MAPT: variants seen among roughly 807,000 people sequenced by gnomAD.
The protein encoded by MAPT is microtubule-associated protein tau.
A neutral mutation model predicts 67.9 loss-of-function variants in MAPT; 34 were observed. The observed-to-expected ratio is 0.50, with a 90% CI of 0.38 to 0.67. MAPT has a LOEUF of 0.67. Among genes scored for constraint, MAPT ranks in the 30% least tolerant of loss-of-function variants. The probability of loss-of-function intolerance (pLI) is 0.00; values close to 1 mark genes in which losing one functional copy is unlikely to be tolerated. For missense variants in MAPT, 881 were observed against 1,115.2 expected (o/e 0.79, Z 2.99); for synonymous variants, 456 against 464.5 (o/e 0.98, Z 0.23).
At chr17:45,960,519 T>TG (rs1341855992) in intron 1 of MAPT, among the ~76,000 whole-genome samples, 2 of 152,274 alleles carry the variant, frequency 1.3e-5, no homozygotes, top group Admixed American at 1.3e-4. Flanking sequence ...AAGTCTGGTA[T>TG]GGCAGGATGT....
chr17:45,917,250 AG>A (rs2065277944), intron 1 of MAPT, among the ~76,000 whole-genome samples: 1 of 152,224 alleles, frequency 6.6e-6, no homozygotes, highest in Admixed American at 6.5e-5. Context: ...TCTGCCTTGC[AG>A]GGTTCGCATC....
intron 1 of MAPT, chr17:45,895,092 G>GT (rs2063082905): frequency 1.4e-5 from 2 of 139,738 alleles, no homozygotes; most frequent in Admixed American, 7.1e-5. Flanking sequence ...TGTGTGTGTG[G>GT]AGGGGTCCGA....
At chr17:46,012,674 C>T (rs8071010) in intron 10 of MAPT, among the ~76,000 whole-genome samples, 3,461 of 152,120 alleles carry the variant, frequency 0.023, 135 homozygotes, top group African/African-American at 0.079. Flanking sequence ...CCCTGCCCTC[C>T]AGGTATCCTG....
At chr17:45,941,716 T>TTCCC (rs1568208333) in intron 1 of MAPT, among the ~76,000 whole-genome samples, 3 of 121,584 alleles carry the variant, frequency 2.5e-5, no homozygotes, top group Non-Finnish European at 3.5e-5. Context: ...CCTTCCTTCC[T>TTCCC]TCCTTCCTTC....
intron 3 of MAPT, chr17:45,974,399 T>C: frequency 6.2e-7 from 1 of 1,608,842 alleles, no homozygotes. Context: ...GACAGCACCC[T>C]TAGTGGATGA....
intron 9 of MAPT, among the ~76,000 whole-genome samples, chr17:45,997,675 G>A (rs866972386): frequency 6.6e-6 from 1 of 152,250 alleles, no homozygotes; most frequent in East Asian, 1.9e-4. Flanking sequence ...CAGGAGAATC[G>A]CTTGAACCCA....
intron 1 of MAPT, among the ~76,000 whole-genome samples, chr17:45,905,260 G>A (rs180992011): frequency 1.3e-4 from 20 of 152,234 alleles, no homozygotes; most frequent in Admixed American, 7.2e-4. Context: ...AATCCTATAG[G>A]GATAACTTGC....
chr17:45,984,221 C>T (rs150235275), intron 5 of MAPT, among the ~76,000 whole-genome samples: 20 of 151,328 alleles, frequency 1.3e-4, no homozygotes, highest in African/African-American at 4.1e-4. Context: ...TTGTCCACAA[C>T]GGCCCATCAG....
At chr17:46,018,762 C>G in intron 12 of MAPT, 32 bp downstream of exon 12, 1 of 1,478,944 alleles carries the variant, frequency 6.8e-7, no homozygotes. Flanking sequence ...GGATGCTGCC[C>G]TTGGGTATAT....
chr17:46,003,377 G>C (rs530995861), intron 9 of MAPT, among the ~76,000 whole-genome samples: 7 of 151,130 alleles, frequency 4.6e-5, no homozygotes, highest in East Asian at 2.0e-4. Flanking sequence ...CTCCCAGGTT[G>C]AAGCAACTCT....
chr17:45,929,119 A>T (rs2066625234), intron 1 of MAPT, among the ~76,000 whole-genome samples: 1 of 152,214 alleles, frequency 6.6e-6, no homozygotes, highest in South Asian at 2.1e-4. Flanking sequence ...ACCCCAAAAA[A>T]TTAATCTCCC....
chr17:45,985,582 A>G (rs1017967766), intron 5 of MAPT: 1 of 532,630 alleles, frequency 1.9e-6, no homozygotes, highest in South Asian at 8.1e-5. Context: ...TAATGTACTA[A>G]TGGCCATTGT....
intron 1 of MAPT, among the ~76,000 whole-genome samples, chr17:45,943,542 A>G (rs1598075892): frequency 6.6e-6 from 1 of 152,072 alleles, no homozygotes; most frequent in South Asian, 2.1e-4. Flanking sequence ...AACATCTTAA[A>G]AACTATCACC....
chr17:45,953,833 C>T (rs867155534), intron 1 of MAPT, among the ~76,000 whole-genome samples: 13 of 152,134 alleles, frequency 8.5e-5, no homozygotes, highest in African/African-American at 9.7e-5. Flanking sequence ...AAAACAGTGG[C>T]GCATTGCCCT....
chr17:46,013,540 C>A (rs536367075), intron 10 of MAPT, among the ~76,000 whole-genome samples: 2 of 152,372 alleles, frequency 1.3e-5, no homozygotes, highest in South Asian at 4.1e-4. Context: ...GCTGTGCCAC[C>A]TACCCACCCT....
At chr17:45,986,715 G>A (rs1226436230) in intron 5 of MAPT, among the ~76,000 whole-genome samples, 2 of 152,188 alleles carry the variant, frequency 1.3e-5, no homozygotes, top group Non-Finnish European at 2.9e-5. Flanking sequence ...TGTGGGTTAG[G>A]GAGACTGCAC....
intron 12 of MAPT, among the ~76,000 whole-genome samples, chr17:46,022,775 A>G: frequency 6.6e-6 from 1 of 152,132 alleles, no homozygotes; most frequent in East Asian, 1.9e-4. Context: ...TACTTTCAAA[A>G]GGGCTTCAGC....
intron 2 of MAPT, 79 bp downstream of exon 2, chr17:45,962,549 C>G: frequency 6.5e-7 from 1 of 1,550,296 alleles, no homozygotes. Flanking sequence ...TCCAGAATTG[C>G]AAAGAAATTT....
At position 45,920,626 on chromosome 17, in the gene MAPT, G is replaced by A. The variant is rs552322426; in HGVS notation, c.-18+25940G>A. Among the ~76,000 whole-genome samples, 13 of 152,286 alleles carry A rather than the reference G, an allele frequency of 8.5e-5. No homozygotes were observed. The East Asian group carries it at 9.7e-4, about 11-fold the overall frequency. On this transcript the variant is annotated intron_variant, in intron 1 of 12. Coordinates refer to ENST00000262410, the MANE Select transcript of MAPT (RefSeq NM_001377265.1). ...CCCTTGACCCTCCCTGGCCTTCTGC[G>A]GATGCCAGACTGGAGCACTCTGACA...
Sources: gnomAD v4.1 joint callset for allele counts (sites outside exome capture counted in the v4.1 genomes callset) on GRCh38, gnomAD v4.1.1 for gene constraint, MANE v1.5 for transcripts, NCBI Gene and HGNC (gene_info 2026-07-23, HGNC 2026-07-21) for gene names.